BORCS5: variants seen among roughly 807,000 people sequenced by gnomAD.
BORCS5 encodes BLOC-1 related complex subunit 5, also known as BLOC-1-related complex subunit 5.
A neutral mutation model predicts 22.1 loss-of-function variants in BORCS5; 17 were observed. That is an observed-to-expected ratio of 0.77 (90% CI 0.53 to 1.15). The LOEUF is 1.15. Ranked by LOEUF, BORCS5 falls within the 50% of genes most tolerant of loss-of-function variation. The probability of loss-of-function intolerance (pLI) is 0.00; values close to 1 mark genes in which losing one functional copy is unlikely to be tolerated. For synonymous variants in BORCS5, 117 were observed against 99.8 expected, an observed-to-expected ratio of 1.17 and a Z score of -1.03; for missense variants, 247 against 253.2, an observed-to-expected ratio of 0.98 and a Z score of 0.17.
rs1175583574 is a variant in BORCS5 at position 12,465,720 on chromosome 12, G to A, written c.535G>A (p.Glu179Lys). ...GGACAGGCTCAACAGCATGCTGCCC[G>A]AGGGCGAGCGGCTGGAGCCCTTCAG... ...LLDRLNSMLP[E>K]GERLEPFSMK... is the part of the protein sequence containing the mutation. Residue 179 changes from glutamate to lysine, a missense_variant, in exon 4 of 4, where the codon GAG becomes AAG. Coordinates refer to ENST00000314565, the MANE Select transcript of BORCS5 (RefSeq NM_058169.6). 6 of 1,614,152 alleles carry A rather than the reference G, an allele frequency of 3.7e-6. No individual in the cohort carries two copies. Among genetic ancestry groups the A allele is most frequent in the South Asian group, 2.2e-5 (2 of 91,084 alleles).
At chr12:12,393,323 C>A (rs1941246936) in intron 2 of BORCS5, among the ~76,000 whole-genome samples, 1 of 152,016 alleles carries the variant, frequency 6.6e-6, no homozygotes, top group African/African-American at 2.4e-5. Flanking sequence ...TCTTCTTAAA[C>A]ATGACACCCA....
intron 3 of BORCS5, chr12:12,452,472 C>T (rs1451658459): frequency 2.0e-6 from 1 of 490,428 alleles, no homozygotes; most frequent in Non-Finnish European, 4.2e-6. Flanking sequence ...AGATTAGGAT[C>T]GCCTTGATCG....
chr12:12,407,702 C>CTTT lies in BORCS5; in HGVS notation c.203-27923_203-27921dup, dbSNP rs201404558. Among the ~76,000 whole-genome samples the CTTT allele has an allele frequency of 1.5e-3, 213 of 141,758 alleles. 9 individuals carry two copies. Among genetic ancestry groups the CTTT allele is most frequent in the African/African-American group, 4.9e-3 (186 of 37,920 alleles). 93.0% of individuals were successfully genotyped at this position (141,758 alleles called of 152,430 possible). A position where few individuals can be genotyped will look rare whatever the true frequency, so the allele number is the denominator to read the frequency against. On this transcript the variant is annotated intron_variant, in intron 2 of 3. Transcript: ENST00000314565. ...TATTTTCGCCATGAATTTTACTATT[C>CTTT]TTTTTGTTTTTTTTTTTTTTTGAGA...
chr12:12,357,128 A>C lies in BORCS5; in HGVS notation c.-324A>C. On this transcript the variant is annotated 5_prime_UTR_variant, in exon 1 of 4. Transcript: ENST00000314565. ...TGCGGAGCGTGAACCAGTGAGTGAA[A>C]GCGGCGCCGCCCGCCGGCCGCAGGT... The C allele has an allele frequency of 6.5e-7, 1 of 1,533,918 alleles. No individual in the cohort carries two copies. The highest frequency in any genetic ancestry group is 1.2e-5 in the South Asian group (1 of 83,960).
At chr12:12,402,995 G>C (rs768171504) in intron 2 of BORCS5, among the ~76,000 whole-genome samples, 4 of 151,724 alleles carry the variant, frequency 2.6e-5, no homozygotes, top group Non-Finnish European at 5.9e-5. Flanking sequence ...TTATTTCTTA[G>C]AAATTGAATA....
At chr12:12,362,891 T>C (rs1364545676) in intron 2 of BORCS5, among the ~76,000 whole-genome samples, 2 of 152,002 alleles carry the variant, frequency 1.3e-5, no homozygotes, top group African/African-American at 4.8e-5. Context: ...CCTCAGGTGA[T>C]CCACCCACCT....
intron 2 of BORCS5, among the ~76,000 whole-genome samples, chr12:12,378,366 C>T (rs556453181): frequency 3.3e-5 from 5 of 152,074 alleles, no homozygotes; most frequent in East Asian, 1.9e-4. Flanking sequence ...AGTGAGACTC[C>T]GTCTCCAAAA....
At position 12,466,684 on chromosome 12, in the gene BORCS5, T is replaced by C. The variant is rs1943209467; in HGVS notation, c.*908T>C. 6.6e-6 allele frequency: 1 copy of C among 152,230 alleles called. No homozygotes were observed. Among genetic ancestry groups the C allele is most frequent in the African/African-American group, 2.4e-5 (1 of 41,438 alleles). The allele number at this position is 152,230 out of a possible 1,614,324, so 9.4% of individuals were successfully genotyped here. On this transcript the variant is annotated 3_prime_UTR_variant, in exon 4 of 4. Transcript: ENST00000314565. The stretch of plus-strand genomic sequence containing the variant: ...ACTTTACACATCATAGGTGTTCTAA[T>C]GGAAGCAAGGACTGGAGAAGCAAAG...
At chr12:12,385,048 T>G (rs1042987018) in intron 2 of BORCS5, among the ~76,000 whole-genome samples, 1 of 151,468 alleles carries the variant, frequency 6.6e-6, no homozygotes, top group Admixed American at 6.6e-5. Context: ...CATCTGTAAA[T>G]GGCTCTGCGT....
At chr12:12,465,225 G>A (rs1159781625) in intron 3 of BORCS5, among the ~76,000 whole-genome samples, 3 of 152,142 alleles carry the variant, frequency 2.0e-5, no homozygotes, top group African/African-American at 7.2e-5. Flanking sequence ...ATTCAGCCTT[G>A]GCCTGACTGA....
intron 2 of BORCS5, among the ~76,000 whole-genome samples, chr12:12,397,067 G>A (rs1045068042): frequency 6.6e-6 from 1 of 152,068 alleles, no homozygotes; most frequent in African/African-American, 2.4e-5. Flanking sequence ...TCTCTCTATG[G>A]ACTTTTTGGC....
intron 2 of BORCS5, among the ~76,000 whole-genome samples, chr12:12,418,916 C>G (rs1216471088): frequency 6.6e-6 from 1 of 152,102 alleles, no homozygotes; most frequent in East Asian, 1.9e-4. Context: ...TATTAGTTTT[C>G]TAGATGCCTT....
intron 2 of BORCS5, among the ~76,000 whole-genome samples, chr12:12,373,639 C>A (rs1027996820): frequency 1.3e-5 from 2 of 152,174 alleles, no homozygotes; most frequent in African/African-American, 4.8e-5. Context: ...GACCCTCCTG[C>A]CAACAGCCTT....
chr12:12,391,792 GA>G (rs1482521724), intron 2 of BORCS5, among the ~76,000 whole-genome samples: 2 of 149,194 alleles, frequency 1.3e-5, no homozygotes, highest in Admixed American at 1.3e-4. Context: ...AGCACTTTGG[GA>G]GGCCAAGGTG....
chr12:12,386,705 A>AGCAAT, intron 2 of BORCS5, among the ~76,000 whole-genome samples: 8 of 150,160 alleles, frequency 5.3e-5, no homozygotes, highest in Admixed American at 2.0e-4. Context: ...CCTGACCTCA[A>AGCAAT]GTGATCCACC....
At chr12:12,383,918 G>C (rs1028692191) in intron 2 of BORCS5, among the ~76,000 whole-genome samples, 4 of 150,848 alleles carry the variant, frequency 2.7e-5, no homozygotes, top group Non-Finnish European at 5.9e-5. Context: ...TGCATGTGTT[G>C]GCATGTTTGT....
intron 2 of BORCS5, among the ~76,000 whole-genome samples, chr12:12,429,636 T>C (rs1315191446): frequency 6.6e-6 from 1 of 152,346 alleles, no homozygotes; most frequent in East Asian, 1.9e-4. Flanking sequence ...AACATCCTAG[T>C]GTGCCTATTA....
intron 3 of BORCS5, among the ~76,000 whole-genome samples, chr12:12,461,297 C>T (rs777677082): frequency 6.6e-6 from 1 of 151,668 alleles, no homozygotes; most frequent in Non-Finnish European, 1.5e-5. Context: ...GCCTCTGGAG[C>T]AGGTGGGACT....
intron 3 of BORCS5, among the ~76,000 whole-genome samples, chr12:12,441,285 T>C (rs113100420): frequency 3.6e-4 from 55 of 152,314 alleles, no homozygotes; most frequent in African/African-American, 1.3e-3. Context: ...ATTTGCTCTT[T>C]GTATTTGCAG....
Sources: gnomAD v4.1 joint callset for allele counts (sites outside exome capture counted in the v4.1 genomes callset) on GRCh38, gnomAD v4.1.1 for gene constraint, MANE v1.5 for transcripts, NCBI Gene and HGNC (gene_info 2026-07-23, HGNC 2026-07-21) for gene names.